Variants in C6 observed in about 807,000 individuals in gnomAD.
C6 encodes the protein complement component C6.
Under a neutral mutation model 112.9 loss-of-function variants are expected in C6, and 101 were observed. That is an observed-to-expected ratio of 0.89 (90% confidence interval 0.76 to 1.06). C6 has a LOEUF of 1.06. C6 is among the 50% of genes least tolerant of loss of function. The pLI, the probability that C6 is intolerant of heterozygous loss-of-function variation, is 0.00. For synonymous variants in C6, 431 were observed against 384.1 expected (o/e 1.12, Z -1.43); for missense variants, 1,202 against 1,104.6 (o/e 1.09, Z -1.25).
At position 41,149,327 on chromosome 5, in the gene C6, C is replaced by A; in HGVS notation, c.2537G>T (p.Gly846Val). 6.2e-7 allele frequency: 1 copy of A among 1,614,054 alleles called. No individual in the cohort carries two copies. Among genetic ancestry groups the A allele is most frequent in the South Asian group, 1.1e-5 (1 of 91,080 alleles). The change falls in exon 17 of 18, where the codon GGT (glycine) becomes GTT (valine). Residue 846 changes from glycine to valine, a missense_variant. Coordinates refer to ENST00000337836, the MANE Select transcript of C6 (RefSeq NM_000065.5). ...GGATGAAAGTCTTGTCCTTTCAAGA[C>A]CCCATTCTAACTGGCGGCCGTCTTG... ...SCQDGRQLEW[G>V]LERTRLSSNS... is the part of the protein sequence containing the mutation.
At chr5:41,172,043 C>G (rs1167752575) in intron 9 of C6, among the ~76,000 whole-genome samples, 182 bp downstream of exon 9, 3 of 152,136 alleles carry the variant, frequency 2.0e-5, no homozygotes, top group Non-Finnish European at 2.9e-5. Context: ...TTAACAATTT[C>G]CTTTTTTAGG....
chr5:41,154,886 G>T (rs949402182), intron 14 of C6, 86 bp downstream of exon 14: 3 of 1,324,700 alleles, frequency 2.3e-6, no homozygotes, highest in African/African-American at 2.9e-5. Context: ...AAAATGTATT[G>T]ATCTAAGGAT....
chr5:41,243,870 G>T (rs1740875401), intron 1 of C6, among the ~76,000 whole-genome samples: 1 of 152,206 alleles, frequency 6.6e-6, no homozygotes, highest in African/African-American at 2.4e-5. Context: ...TCTTTCCTCA[G>T]TTGGAGTAAC....
rs554816445 is a variant in C6, at chr5:41,176,775, C to T, written c.928-60G>A. On this transcript the variant is annotated intron_variant, in intron 7 of 17. Transcript: ENST00000337836. ...GGTAATGAAAGTTTGAAGTACCTAG[C>T]ATTTAAATGTCATTGATTTATCATT... 4.5e-4 allele frequency: 639 copies of T among 1,433,110 alleles called. 6 individuals carry two copies. The South Asian group carries it at 7.2e-3, about 16-fold the overall frequency. 88.8% of individuals were successfully genotyped at this position (1,433,110 alleles called of 1,614,324 possible).
intron 1 of C6, among the ~76,000 whole-genome samples, chr5:41,246,324 C>G (rs1345448321): frequency 1.3e-5 from 2 of 152,180 alleles, no homozygotes; most frequent in African/African-American, 4.8e-5. Flanking sequence ...AAATGCTAGG[C>G]TCATTTCTGT....
Position 41,181,560 on chromosome 5 carries a change from C to T in C6, c.727-1G>A. On this transcript the variant is annotated splice_acceptor_variant, in intron 6 of 17. Coordinates refer to ENST00000337836, the MANE Select transcript of C6 (RefSeq NM_000065.5). LOFTEE classifies it high-confidence loss of function. ...TCAAGTCATCTTCTGCAGTTTGTAC[C>T]TGGAGAAAAATCCATGTAAAATAAA... 6.2e-7 allele frequency: 1 copy of T among 1,610,696 alleles called. No individual in the cohort carries two copies. Among genetic ancestry groups the T allele is most frequent in the Non-Finnish European group, 8.5e-7 (1 of 1,177,578 alleles).
chr5:41,160,088 A>G, intron 11 of C6, 54 bp downstream of exon 11: 2 of 1,402,270 alleles, frequency 1.4e-6, no homozygotes, highest in Non-Finnish European at 2.0e-6. Context: ...CCAACTTAGA[A>G]TACTCTTTGG....
chr5:41,234,445 T>G (rs1740123555), intron 1 of C6, among the ~76,000 whole-genome samples: 1 of 151,844 alleles, frequency 6.6e-6, no homozygotes, highest in Non-Finnish European at 1.5e-5. Context: ...ATAAATATAT[T>G]TCCCACATGC....
At chr5:41,221,142 G>A (rs1739143467) in intron 1 of C6, among the ~76,000 whole-genome samples, 1 of 151,858 alleles carries the variant, frequency 6.6e-6, no homozygotes, top group African/African-American at 2.4e-5. Context: ...TAAAATTAGA[G>A]CTGTTTTATT....
chr5:41,161,752 TCTC>T lies in C6; in HGVS notation c.1396_1398del (p.Glu466del). The stretch of plus-strand genomic sequence containing the variant: ...GATTCTAACCACTCAGAAAATGTCT[TCTC>T]CTCCAGACCAGAGCTCCCTTTCTCC... On this transcript the variant is annotated inframe_deletion, in exon 10 of 18. Coordinates refer to ENST00000337836, the MANE Select transcript of C6 (RefSeq NM_000065.5). 6.2e-7 allele frequency: 1 copy of T among 1,613,708 alleles called. No individual in the cohort carries two copies. The highest frequency in any genetic ancestry group is 8.5e-7 in the Non-Finnish European group (1 of 1,179,714).
At chr5:41,252,773 A>T (rs948843594) in intron 1 of C6, among the ~76,000 whole-genome samples, 1 of 152,186 alleles carries the variant, frequency 6.6e-6, no homozygotes, top group African/African-American at 2.4e-5. Context: ...CTTCATCTAC[A>T]TAACAAGAAC....
intron 1 of C6, among the ~76,000 whole-genome samples, chr5:41,220,996 A>C (rs1739134310): frequency 6.6e-6 from 1 of 151,122 alleles, no homozygotes; most frequent in African/African-American, 2.4e-5. Context: ...ATATTTCATT[A>C]AAATGTTATC....
At chr5:41,158,147 C>A (rs1040006063) in intron 13 of C6, among the ~76,000 whole-genome samples, 4 of 151,752 alleles carry the variant, frequency 2.6e-5, no homozygotes, top group African/African-American at 9.7e-5. Context: ...ATCTGTCTGA[C>A]AAAATGTATT....
At chr5:41,261,388 T>C (rs981656650) in exon 1 of C6, 1 of 182,290 alleles carries the variant, frequency 5.5e-6, no homozygotes, top group Non-Finnish European at 1.0e-5. Flanking sequence ...TAAAATTTAA[T>C]GAATGTTATG....
At chr5:41,230,018 A>G (rs1197290799) in intron 1 of C6, among the ~76,000 whole-genome samples, 1 of 152,160 alleles carries the variant, frequency 6.6e-6, no homozygotes. Flanking sequence ...CTGAACATAA[A>G]TTGTGAAGAT....
At chr5:41,186,542 T>G (rs1008553374) in intron 5 of C6, among the ~76,000 whole-genome samples, 1 of 152,184 alleles carries the variant, frequency 6.6e-6, no homozygotes, top group Non-Finnish European at 1.5e-5. Flanking sequence ...TGAAATAAGT[T>G]ATTATATAAT....
intron 10 of C6, among the ~76,000 whole-genome samples, chr5:41,160,986 C>T (rs535753070): frequency 2.2e-4 from 33 of 152,178 alleles, no homozygotes; most frequent in Middle Eastern, 3.4e-3. Flanking sequence ...TGCAAGTACC[C>T]GGAGGGGCAG....
rs143443464 is a variant in C6 at position 41,200,891 on chromosome 5, G to GTTTTTTTTTTTTTT, written c.300+653_300+666dup. ...TGTTTTTGTTGTTGTTGTTGTTGTT[G>GTTTTTTTTTTTTTT]TTTTTTTTTTTTTTTTTTTTTTTTT... On this transcript the variant is annotated intron_variant, in intron 3 of 17. Transcript: ENST00000337836. Among the ~76,000 whole-genome samples the GTTTTTTTTTTTTTT allele has an allele frequency of 5.8e-4, 41 of 70,656 alleles. 1 individual carries two copies. The highest frequency in any genetic ancestry group is 7.1e-4 in the Non-Finnish European group (29 of 40,870). 46.4% of individuals were successfully genotyped at this position (70,656 alleles called of 152,430 possible). A position where few individuals can be genotyped will look rare whatever the true frequency, so the allele number is the denominator to read the frequency against.
intron 1 of C6, among the ~76,000 whole-genome samples, chr5:41,253,489 C>A (rs1741491647): frequency 6.6e-6 from 1 of 152,254 alleles, no homozygotes; most frequent in African/African-American, 2.4e-5. Context: ...TGGGAGACTC[C>A]CAGGCTCCAC....
Sources: allele counts gnomAD v4.1 joint callset (sites outside exome capture counted in the v4.1 genomes callset), GRCh38; gene constraint gnomAD v4.1.1; transcripts MANE v1.5; gene names NCBI Gene and HGNC (gene_info 2026-07-23, HGNC 2026-07-21).